TMEM92: variants seen among roughly 807,000 people sequenced by gnomAD.
TMEM92 encodes transmembrane protein 92.
TMEM92 carries 15 observed loss-of-function variants against 14.6 expected under a neutral mutation model. The observed-to-expected ratio is 1.03, with a 90% CI of 0.69 to 1.58. The LOEUF is 1.58. Among genes scored for constraint, TMEM92 ranks in the 40% most tolerant of loss-of-function variants. TMEM92 has a pLI of 0.00. For synonymous variants in TMEM92, 85 were observed against 83.3 expected, an observed-to-expected ratio of 1.02 and a Z score of -0.11; for missense variants, 174 against 202.4, an observed-to-expected ratio of 0.86 and a Z score of 0.85.
Position 50,278,843 on chromosome 17 carries a change from C to A in TMEM92, c.213C>A (p.Cys71Ter), listed in dbSNP as rs761812112. The change falls in exon 4 of 5, where the codon TGC becomes TGA. Residue 71 changes from cysteine to a stop codon, truncating the protein, a stop_gained. Coordinates refer to ENST00000507382, the MANE Select transcript of TMEM92 (RefSeq NM_153229.3). LOFTEE classifies it high-confidence loss of function. ...IIFLVILSVF[C>*]ICGLAKCFCR... Reference sequence around the variant, plus strand: ...TCCTGGTCATCCTGTCCGTCTTTTGCATCTGTGGCCTGGCTAAGTGCTTCT... The same window carrying A: ...TCCTGGTCATCCTGTCCGTCTTTTGAATCTGTGGCCTGGCTAAGTGCTTCT... 5 of 1,613,472 alleles carry A rather than the reference C, an allele frequency of 3.1e-6. No individual in the cohort carries two copies. Among genetic ancestry groups the A allele is most frequent in the Non-Finnish European group, 4.2e-6 (5 of 1,179,758 alleles).
chr17:50,279,579 A>G lies in TMEM92; in HGVS notation c.*271A>G. The G allele has an allele frequency of 2.4e-6, 1 of 413,606 alleles. No individual in the cohort carries two copies. Among genetic ancestry groups the G allele is most frequent in the South Asian group, 2.3e-5 (1 of 42,732 alleles). 25.6% of individuals were successfully genotyped at this position (413,606 alleles called of 1,614,324 possible). ...AAAATGCTGACCATTGGAGGTGCCC[A>G]ACAGTAGAATGGGCTACTGTGAGGG... On this transcript the variant is annotated 3_prime_UTR_variant, in exon 5 of 5. Coordinates refer to ENST00000507382, the MANE Select transcript of TMEM92 (RefSeq NM_153229.3).
intron 1 of TMEM92, among the ~76,000 whole-genome samples, chr17:50,275,246 G>A (rs767354985): frequency 1.3e-5 from 2 of 152,028 alleles, no homozygotes; most frequent in African/African-American, 2.4e-5. Flanking sequence ...ACAGAGACGG[G>A]TCTAGAACAT....
In TMEM92 at chr17:50,274,466, C is replaced by T; in HGVS notation, c.-36C>T. 1 of 1,612,390 alleles carries T rather than the reference C, an allele frequency of 6.2e-7. No homozygotes were observed. On this transcript the variant is annotated 5_prime_UTR_variant, in exon 1 of 5. Coordinates refer to ENST00000507382, the MANE Select transcript of TMEM92 (RefSeq NM_153229.3). ...GTGGGAGAGGTCGCAGCCCCGCCTT[C>T]TCTACACAGGAAAGCTCAGTGGCCC...
chr17:50,276,476 TTCTTA>T (rs1390459725), intron 1 of TMEM92, among the ~76,000 whole-genome samples: 1 of 152,260 alleles, frequency 6.6e-6, no homozygotes, highest in Non-Finnish European at 1.5e-5. Flanking sequence ...ATCACTGGTA[TTCTTA>T]TCTTTACTGT....
At position 50,278,950 on chromosome 17, in the gene TMEM92, A is replaced by C. The variant is rs766402217; in HGVS notation, c.320A>C (p.Glu107Ala). ...GAACTGCCCTCCATCATCCCCCCAG[A>C]GAGGGTCAGAGTATCCCTTTCTGCG... Reference protein sequence around the residue: ...PLELPSIIPPERVRVSLSAPP... With the variant: ...PLELPSIIPPARVRVSLSAPP... Residue 107 changes from glutamate (E) to alanine (A), a missense_variant, in exon 4 of 5, where the codon GAG (glutamate) becomes GCG (alanine). Glu to Ala is a moderately radical substitution (Grantham distance 107). Transcript: ENST00000507382. 4 of 1,612,778 alleles carry C rather than the reference A, an allele frequency of 2.5e-6. No homozygotes were observed. The highest frequency in any genetic ancestry group is 3.4e-6 in the Non-Finnish European group (4 of 1,179,512).
chr17:50,271,972 G>A (rs1340484705), upstream of TMEM92, among the ~76,000 whole-genome samples: 1 of 152,114 alleles, frequency 6.6e-6, no homozygotes, highest in East Asian at 1.9e-4. Context: ...TCTGGGAGGT[G>A]GAGGTTGCAG....
At chr17:50,272,022 A>T (rs75614931), upstream of TMEM92, among the ~76,000 whole-genome samples, 33 of 152,098 alleles carry the variant, frequency 2.2e-4, no homozygotes, top group East Asian at 5.8e-3. Flanking sequence ...GTTCTCAAAA[A>T]ATATATATAT....
chr17:50,274,849 G>A, intron 1 of TMEM92: 1 of 488,836 alleles, frequency 2.0e-6, no homozygotes, highest in Non-Finnish European at 3.6e-6. Flanking sequence ...CTGTGAATAG[G>A]GACTTTGGAC....
In TMEM92 at chr17:50,274,507, C is replaced by G. The variant is rs150361496; in HGVS notation, c.6C>G (p.Ser2=). The stretch of plus-strand genomic sequence containing the variant: ...TCAGTGGCCCCCAAGCCAGGATGTC[C>G]CAAGCTTGGGTCCCCGGCCTCGCGC... M[S]QAWVPGLAPT... The change falls in exon 1 of 5, where the codon TCC becomes TCG. Residue 2 remains serine, a synonymous_variant. Transcript: ENST00000507382. 1.1e-4 allele frequency: 182 copies of G among 1,613,842 alleles called. No homozygotes were observed. The highest frequency in any genetic ancestry group is 1.5e-4 in the Non-Finnish European group (175 of 1,179,928).
chr17:50,273,383 G>C (rs1440149698), upstream of TMEM92, among the ~76,000 whole-genome samples: 1 of 152,216 alleles, frequency 6.6e-6, no homozygotes, highest in African/African-American at 2.4e-5. Context: ...CGGCCGCAGG[G>C]GGCTCAGAAT....
rs776234808 is a variant in TMEM92, at chr17:50,279,438, A to T, written c.*130A>T. On this transcript the variant is annotated 3_prime_UTR_variant, in exon 5 of 5. Coordinates refer to ENST00000507382, the MANE Select transcript of TMEM92 (RefSeq NM_153229.3). ...CGTGTCTCTGTTCATTCTTGGATTT[A>T]ACTTATTACTTTTTCTGCTTCTGTT... 7.8e-6 allele frequency: 6 copies of T among 771,954 alleles called. No individual in the cohort carries two copies. Among genetic ancestry groups the T allele is most frequent in the Non-Finnish European group, 1.3e-5 (6 of 459,774 alleles). 47.8% of individuals were successfully genotyped at this position (771,954 alleles called of 1,614,324 possible). A position where few individuals can be genotyped will look rare whatever the true frequency, so the allele number is the denominator to read the frequency against.
In TMEM92 at chr17:50,278,993, T is replaced by C. The variant is rs1255145853; in HGVS notation, c.363T>C (p.Ser121=). The change falls in exon 4 of 5, where the codon AGT becomes AGC. Residue 121 remains serine, a synonymous_variant. Transcript: ENST00000507382. The part of the protein sequence containing the change: ...VSLSAPPPPY[S]EVILKPSLGP... ...TTTCTGCGCCCCCACCCCCCTACAG[T>C]GAGGTGGGTGTCTCATCCCCATCCC... is the stretch of plus-strand genomic sequence containing the variant. 11 of 1,568,140 alleles carry C rather than the reference T, an allele frequency of 7.0e-6. No homozygotes were observed. Among genetic ancestry groups the C allele is most frequent in the Non-Finnish European group, 9.6e-6 (11 of 1,141,802 alleles).
Position 50,279,277 on chromosome 17 carries a change from A to G in TMEM92, c.449A>G (p.Asp150Gly). 1.2e-6 allele frequency: 2 copies of G among 1,613,688 alleles called. No homozygotes were observed. Among genetic ancestry groups the G allele is most frequent in the Non-Finnish European group, 1.7e-6 (2 of 1,179,846 alleles). ...TTCAGGCCTGAAGAATATACCGGGGATCAGAGGGGCATTGACAACCCGGCC... is the reference window on the plus strand; with the variant it reads ...TTCAGGCCTGAAGAATATACCGGGGGTCAGAGGGGCATTGACAACCCGGCC... The part of the protein sequence containing the change: ...YSFRPEEYTG[D>G]QRGIDNPAF The change falls in exon 5 of 5, where the codon GAT becomes GGT. Residue 150 changes from aspartate to glycine, a missense_variant. By Grantham distance (94) the Asp-to-Gly change is moderately conservative (BLOSUM62 -1). Coordinates refer to ENST00000507382, the MANE Select transcript of TMEM92 (RefSeq NM_153229.3).
chr17:50,277,447 G>A (rs945460880), intron 1 of TMEM92, among the ~76,000 whole-genome samples: 14 of 151,820 alleles, frequency 9.2e-5, no homozygotes, highest in African/African-American at 3.4e-4. Flanking sequence ...AGGTTGGAAG[G>A]GTGGTCAGAA....
rs1316418759 is a variant in TMEM92, at chr17:50,278,901, C to T, written c.271C>T (p.Pro91Ser). 1.2e-6 allele frequency: 2 copies of T among 1,613,806 alleles called. No individual in the cohort carries two copies. Among genetic ancestry groups the T allele is most frequent in the East Asian group, 2.2e-5 (1 of 44,848 alleles). The change falls in exon 4 of 5, where the codon CCA (proline) becomes TCA (serine). Residue 91 changes from proline to serine, a missense_variant. Coordinates refer to ENST00000507382, the MANE Select transcript of TMEM92 (RefSeq NM_153229.3). ...CTGCAGAGAGCCGGAGCCAGACAGC[C>T]CAGTGGATTGCCGGGGGCCCCTGGA... ...RNCREPEPDS[P>S]VDCRGPLELP...
At position 50,279,391 on chromosome 17, in the gene TMEM92, G is replaced by C. The variant is rs1439384638; in HGVS notation, c.*83G>C. 22 of 1,083,534 alleles carry C rather than the reference G, an allele frequency of 2.0e-5. No individual in the cohort carries two copies. In the Admixed American group the frequency reaches 3.2e-4, roughly 16 times the overall value. The allele number at this position is 1,083,534 out of a possible 1,614,324, so 67.1% of individuals were successfully genotyped here. On this transcript the variant is annotated 3_prime_UTR_variant, in exon 5 of 5. Coordinates refer to ENST00000507382, the MANE Select transcript of TMEM92 (RefSeq NM_153229.3). ...CAAGCTAGAGACTGCTGGCACCCCAGGAATGTCCCTGCCCATCCTGCCGTG... is the reference window on the plus strand; with the variant it reads ...CAAGCTAGAGACTGCTGGCACCCCACGAATGTCCCTGCCCATCCTGCCGTG...
chr17:50,273,367 A>T (rs1422889853), upstream of TMEM92, among the ~76,000 whole-genome samples: 2 of 152,098 alleles, frequency 1.3e-5, no homozygotes, highest in African/African-American at 2.4e-5. Context: ...GGAGTGCTGG[A>T]GGCGGCGGCC....
At chr17:50,273,371 G>T (rs1910315919), upstream of TMEM92, among the ~76,000 whole-genome samples, 1 of 152,200 alleles carries the variant, frequency 6.6e-6, no homozygotes, top group Non-Finnish European at 1.5e-5. Flanking sequence ...TGCTGGAGGC[G>T]GCGGCCGCAG....
chr17:50,274,628 C>G, intron 1 of TMEM92, 58 bp downstream of exon 1: 1 of 1,494,716 alleles, frequency 6.7e-7, no homozygotes. Flanking sequence ...AGGTCAGGAG[C>G]CTGCTTCTGG....
Sources: allele counts gnomAD v4.1 joint callset (sites outside exome capture counted in the v4.1 genomes callset), GRCh38; gene constraint gnomAD v4.1.1; transcripts MANE v1.5; gene names NCBI Gene and HGNC (gene_info 2026-07-23, HGNC 2026-07-21).